DIAPH2: variants seen among roughly 807,000 people sequenced by gnomAD.
DIAPH2 encodes diaphanous related formin 2.
A neutral mutation model predicts 92.7 loss-of-function variants in DIAPH2; 35 were observed. That is an observed-to-expected ratio of 0.38 (90% CI 0.29 to 0.50). The LOEUF is 0.50. Ranked by LOEUF, DIAPH2 falls within the 20% of genes least tolerant of loss-of-function variation. DIAPH2 has a pLI of 0.94. For missense variants in DIAPH2, 701 were observed against 819.5 expected (o/e 0.86, Z 1.77); for synonymous variants, 301 against 280.4 (o/e 1.07, Z -0.73).
chrX:96,772,571 T>C (rs2064346244), intron 4 of DIAPH2, among the ~76,000 whole-genome samples: 1 of 112,463 alleles, frequency 8.9e-6, no homozygotes. Context: ...TGGGTCTGCA[T>C]TGCTAAATAA....
intron 19 of DIAPH2, among the ~76,000 whole-genome samples, chrX:97,097,885 A>G (rs1052022186): frequency 1.8e-5 from 2 of 112,513 alleles, no homozygotes; most frequent in Non-Finnish European, 3.8e-5. Flanking sequence ...TTACCTTCTT[A>G]TTCTATAAAA....
At chrX:97,215,784 A>G (rs747138755) in intron 22 of DIAPH2, among the ~76,000 whole-genome samples, 15 of 112,154 alleles carry the variant, frequency 1.3e-4, no homozygotes, top group Non-Finnish European at 2.4e-4. Flanking sequence ...ATAGACACCA[A>G]TGGAAATAAA....
At chrX:97,577,792 G>C (rs185910152) in intron 26 of DIAPH2, among the ~76,000 whole-genome samples, 17 of 111,902 alleles carry the variant, frequency 1.5e-4, no homozygotes, top group Non-Finnish European at 2.6e-4. Flanking sequence ...TGTACTCCAT[G>C]AATCTCTCCT....
At position 97,227,253 on chromosome X, in the gene DIAPH2, G is replaced by A. The variant is rs746231559; in HGVS notation, c.2720-20462G>A. The stretch of plus-strand genomic sequence containing the variant: ...CACGCCACTGCACTCCAGCCTGGGT[G>A]ACAAAGCAAGACTTCGTCTAAAAAA... On this transcript the variant is annotated intron_variant, in intron 22 of 26. Transcript: ENST00000324765. 5.4e-5 allele frequency among the ~76,000 whole-genome samples: 6 copies of A among 111,107 alleles called. No individual in the cohort carries two copies. The South Asian group carries it at 2.3e-3, about 43-fold the overall frequency.
rs1359715633 is a variant in DIAPH2 at position 97,537,494 on chromosome X, C to T, written c.3242-61759C>T. ...GTTAGTTAGGTGTGGTAAACAGCCTCTAAGATAGTTCCGAATGATTCCTGC... is the reference window on the plus strand; with the variant it reads ...GTTAGTTAGGTGTGGTAAACAGCCTTTAAGATAGTTCCGAATGATTCCTGC... On this transcript the variant is annotated intron_variant, in intron 26 of 26. Transcript: ENST00000324765. Among the ~76,000 whole-genome samples, 4 of 112,024 alleles carry T rather than the reference C, an allele frequency of 3.6e-5. No individual in the cohort carries two copies. In the Admixed American group the frequency reaches 3.8e-4, roughly 11 times the overall value.
chrX:97,169,151 G>A (rs1211046261), intron 22 of DIAPH2, among the ~76,000 whole-genome samples: 1 of 111,151 alleles, frequency 9.0e-6, no homozygotes, highest in African/African-American at 3.3e-5. Flanking sequence ...GTGGTCAGAG[G>A]TGGGGTTCTG....
chrX:96,775,395 A>T (rs1459379094), intron 4 of DIAPH2, among the ~76,000 whole-genome samples: 1 of 54,134 alleles, frequency 1.8e-5, no homozygotes, highest in Admixed American at 1.7e-4. Flanking sequence ...GTGTGTGTAT[A>T]CTTCCTCAGT....
chrX:96,849,095 C>T (rs180920687), intron 4 of DIAPH2, among the ~76,000 whole-genome samples: 1 of 111,897 alleles, frequency 8.9e-6, no homozygotes, highest in East Asian at 2.8e-4. Context: ...ATGTAATGTA[C>T]TTCTCAGCCC....
Position 96,728,215 on chromosome X carries a change from T to G in DIAPH2, c.133-7543T>G, listed in dbSNP as rs772593523. On this transcript the variant is annotated intron_variant, in intron 1 of 26. Transcript: ENST00000324765. The stretch of plus-strand genomic sequence containing the variant: ...TATTTTTGTTTTTATATGGTTAGTT[T>G]TTTTTTTTTGGTTTGACGGAGTCCC... Among the ~76,000 whole-genome samples the G allele has an allele frequency of 9.1e-5, 10 of 109,936 alleles. No homozygotes were observed. In the East Asian group the frequency reaches 2.9e-3, roughly 31 times the overall value.
chrX:97,074,566 T>C (rs1602322878), intron 18 of DIAPH2, among the ~76,000 whole-genome samples: 1 of 112,124 alleles, frequency 8.9e-6, no homozygotes, highest in African/African-American at 3.2e-5. Context: ...CAATATGATA[T>C]CATAGATTTC....
chrX:97,518,650 C>G (rs940537412), intron 26 of DIAPH2, among the ~76,000 whole-genome samples: 1 of 110,288 alleles, frequency 9.1e-6, no homozygotes, highest in African/African-American at 3.3e-5. Flanking sequence ...AAGCCATGAA[C>G]TTCTCTATGG....
At position 97,044,906 on chromosome X, in the gene DIAPH2, C is replaced by T. The variant is rs757734759; in HGVS notation, c.2051-28035C>T. On this transcript the variant is annotated intron_variant, in intron 17 of 26. Transcript: ENST00000324765. The stretch of plus-strand genomic sequence containing the variant: ...TGTTCATCATTCCACAGAGTCTACT[C>T]TTCTTAAGAACTCCAGTGACCTTCC... Among the ~76,000 whole-genome samples the T allele has an allele frequency of 2.7e-5, 3 of 111,680 alleles. No homozygotes were observed. The South Asian group carries it at 1.1e-3, about 42-fold the overall frequency.
At chrX:97,478,002 A>G (rs1159240290) in intron 26 of DIAPH2, among the ~76,000 whole-genome samples, 1 of 111,633 alleles carries the variant, frequency 9.0e-6, no homozygotes, top group Non-Finnish European at 1.9e-5. Flanking sequence ...GCTGTATCAT[A>G]AATGACAAAA....
At chrX:97,282,945 AT>A (rs886987243) in intron 23 of DIAPH2, among the ~76,000 whole-genome samples, 4 of 110,791 alleles carry the variant, frequency 3.6e-5, no homozygotes, top group African/African-American at 6.6e-5. Context: ...CATTTCTGGC[AT>A]TTTTTTTAAC....
intron 23 of DIAPH2, among the ~76,000 whole-genome samples, chrX:97,323,000 G>A (rs1289675389): frequency 9.8e-6 from 1 of 102,438 alleles, no homozygotes; most frequent in Non-Finnish European, 2.0e-5. Flanking sequence ...CCGCCTCCCA[G>A]GTTCAAATGA....
intron 23 of DIAPH2, among the ~76,000 whole-genome samples, chrX:97,279,626 T>C (rs1478123042): frequency 9.0e-6 from 1 of 111,468 alleles, no homozygotes; most frequent in Admixed American, 9.6e-5. Flanking sequence ...CCATCCAGTC[T>C]CTGTTTCTAA....
At chrX:97,147,966 A>G (rs891852067) in intron 22 of DIAPH2, among the ~76,000 whole-genome samples, 2 of 111,440 alleles carry the variant, frequency 1.8e-5, no homozygotes, top group African/African-American at 3.3e-5. Context: ...TTTTTATATA[A>G]AAGAAAAAAG....
At chrX:97,161,051 G>GTTTTTTTTTT (rs533317066) in intron 22 of DIAPH2, among the ~76,000 whole-genome samples, 1 of 88,946 alleles carries the variant, frequency 1.1e-5, no homozygotes, top group Non-Finnish European at 2.2e-5. Flanking sequence ...TTGTTTTTTT[G>GTTTTTTTTTT]TTTTTTTTTT....
rs2065261390 is a variant in DIAPH2, at chrX:96,886,291, C to T, written c.587+4573C>T. Reference sequence around the variant, plus strand: ...CATTAGAGGAAATAAAAAACATATACTTTTTAATGAATATATGTTATATTT... The same window carrying T: ...CATTAGAGGAAATAAAAAACATATATTTTTTAATGAATATATGTTATATTT... On this transcript the variant is annotated intron_variant, in intron 5 of 26. Coordinates refer to ENST00000324765, the MANE Select transcript of DIAPH2 (RefSeq NM_006729.5). Among the ~76,000 whole-genome samples the T allele has an allele frequency of 2.8e-5, 3 of 109,062 alleles. No individual in the cohort carries two copies. The Admixed American group carries it at 3.0e-4, about 11-fold the overall frequency. 94.7% of individuals were successfully genotyped at this position (109,062 alleles called of 115,157 possible).
Sources: allele counts gnomAD v4.1 joint callset (sites outside exome capture counted in the v4.1 genomes callset), GRCh38; gene constraint gnomAD v4.1.1; transcripts MANE v1.5; gene names NCBI Gene and HGNC (gene_info 2026-07-23, HGNC 2026-07-21).